BACH2: variants seen among roughly 807,000 people sequenced by gnomAD.
The protein encoded by BACH2 is transcription regulator protein BACH2.
In BACH2, 5 loss-of-function variants were observed where a neutral mutation model predicts 61.8. The observed-to-expected ratio is 0.08, with a 90% CI of 0.04 to 0.17. The LOEUF (loss-of-function observed/expected upper bound fraction) is 0.17. BACH2 is among the 10% of genes least tolerant of loss of function. The pLI, the probability that BACH2 is intolerant of heterozygous loss-of-function variation, is 1.00. For synonymous variants in BACH2, 446 were observed against 440.1 expected (o/e 1.01, Z -0.17); for missense variants, 824 against 1,091.1 (o/e 0.76, Z 3.45).
Position 90,166,297 on chromosome 6 carries a change from T to C in BACH2, c.-162+40272A>G, listed in dbSNP as rs552252394. The stretch of plus-strand genomic sequence containing the variant: ...GACATTTATGCAGCCAAAAGACACA[T>C]GAAAAAATGCTCATCATCACTGGCC... On this transcript the variant is annotated intron_variant, in intron 4 of 8. Transcript: ENST00000257749. Among the ~76,000 whole-genome samples, 300 of 151,942 alleles carry C rather than the reference T, an allele frequency of 2.0e-3. 1 individual carries two copies. Among genetic ancestry groups the C allele is most frequent in the Non-Finnish European group, 2.6e-3 (178 of 67,874 alleles).
At chr6:90,249,642 C>T (rs1770743228) in intron 3 of BACH2, among the ~76,000 whole-genome samples, 1 of 151,958 alleles carries the variant, frequency 6.6e-6, no homozygotes, top group African/African-American at 2.4e-5. Context: ...TGTGGTGGTG[C>T]GTGCCTATAG....
At position 89,946,103 on chromosome 6, in the gene BACH2, C is replaced by T. The variant is rs185347269; in HGVS notation, c.1836+4167G>A. On this transcript the variant is annotated intron_variant, in intron 7 of 8. Transcript: ENST00000257749. The stretch of plus-strand genomic sequence containing the variant: ...GCAGACTAAGGGAATATCTAAGCAA[C>T]ATTTATGAGAAAGGGTTAATATTCC... 2.4e-4 allele frequency among the ~76,000 whole-genome samples: 37 copies of T among 152,256 alleles called. No homozygotes were observed. In the East Asian group the frequency reaches 6.9e-3, roughly 29 times the overall value.
At chr6:90,230,212 T>C (rs1316733840) in intron 3 of BACH2, among the ~76,000 whole-genome samples, 10 of 152,348 alleles carry the variant, frequency 6.6e-5, no homozygotes, top group Non-Finnish European at 7.3e-5. Context: ...TCAGTTTCCT[T>C]ATTTGTAAAA....
chr6:90,062,882 A>C (rs1780757123), intron 5 of BACH2: 1 of 982,680 alleles, frequency 1.0e-6, no homozygotes, highest in African/African-American at 1.7e-5. Context: ...TGAAAGGCTG[A>C]CCTGGCTCTG....
intron 5 of BACH2, among the ~76,000 whole-genome samples, chr6:90,028,971 T>C (rs774610691): frequency 6.6e-6 from 1 of 152,240 alleles, no homozygotes; most frequent in Non-Finnish European, 1.5e-5. Context: ...ATTTAACATA[T>C]AGTAACTGGT....
At chr6:90,113,529 G>A (rs1490038729) in intron 4 of BACH2, among the ~76,000 whole-genome samples, 1 of 152,064 alleles carries the variant, frequency 6.6e-6, no homozygotes, top group Non-Finnish European at 1.5e-5. Flanking sequence ...AAATCAAGAA[G>A]TTTATTGAAA....
At chr6:90,033,367 A>G (rs1041230367) in intron 5 of BACH2, among the ~76,000 whole-genome samples, 20 of 152,030 alleles carry the variant, frequency 1.3e-4, no homozygotes, top group South Asian at 2.1e-4. Context: ...AAAAAAAAAA[A>G]AAAGAAAATC....
chr6:90,092,537 C>G (rs1782215909), intron 4 of BACH2, among the ~76,000 whole-genome samples: 1 of 151,888 alleles, frequency 6.6e-6, no homozygotes, highest in Admixed American at 6.6e-5. Flanking sequence ...TGCCTCGGAG[C>G]CTACTACCTC....
At chr6:90,020,424 T>A (rs1778309935) in intron 5 of BACH2, among the ~76,000 whole-genome samples, 3 of 151,830 alleles carry the variant, frequency 2.0e-5, no homozygotes, top group Admixed American at 1.3e-4. Context: ...ATCATGAGAG[T>A]GGGTTTGTTA....
At chr6:90,000,354 C>T (rs1777070928) in intron 6 of BACH2, among the ~76,000 whole-genome samples, 1 of 152,180 alleles carries the variant, frequency 6.6e-6, no homozygotes, top group Admixed American at 6.5e-5. Flanking sequence ...TTCTCATTTG[C>T]CAGCAAGTAG....
chr6:90,088,992 G>A lies in BACH2; in HGVS notation c.-44C>T, dbSNP rs1436116923. Reference sequence around the variant, plus strand: ...TTTTTCCAGGTCCTGTGCTGCCTTCGAGTCTTAGGATGCAGGGAACTGGGC... The same window carrying A: ...TTTTTCCAGGTCCTGTGCTGCCTTCAAGTCTTAGGATGCAGGGAACTGGGC... On this transcript the variant is annotated 5_prime_UTR_variant, in exon 5 of 9. It introduces an in-frame stop codon into an upstream open reading frame of the 5' UTR. Transcript: ENST00000257749. The A allele has an allele frequency of 6.6e-6, 1 of 152,190 alleles. No homozygotes were observed. 9.4% of individuals were successfully genotyped at this position (152,190 alleles called of 1,614,324 possible). A position where few individuals can be genotyped will look rare whatever the true frequency, so the allele number is the denominator to read the frequency against.
At chr6:90,220,712 T>G (rs1769708629) in intron 3 of BACH2, among the ~76,000 whole-genome samples, 1 of 152,226 alleles carries the variant, frequency 6.6e-6, no homozygotes, top group African/African-American at 2.4e-5. Flanking sequence ...ATGGCGTCTA[T>G]TAAATGCTGT....
chr6:90,269,823 C>G (rs1412084890), intron 2 of BACH2, among the ~76,000 whole-genome samples: 1 of 152,146 alleles, frequency 6.6e-6, no homozygotes, highest in Non-Finnish European at 1.5e-5. Context: ...GGGACACACG[C>G]TGGGCAGCTG....
intron 3 of BACH2, among the ~76,000 whole-genome samples, chr6:90,212,568 C>T (rs894134427): frequency 4.6e-5 from 7 of 152,210 alleles, no homozygotes; most frequent in African/African-American, 1.2e-4. Flanking sequence ...CTCCCCTGTG[C>T]GCTGCCTTCA....
chr6:90,037,962 A>C (rs1342435397), intron 5 of BACH2, among the ~76,000 whole-genome samples: 2 of 152,192 alleles, frequency 1.3e-5, no homozygotes, highest in Non-Finnish European at 2.9e-5. Context: ...AATGGTCAGC[A>C]CCAGAAGCTA....
Position 90,239,957 on chromosome 6 carries a change from CACT to C in BACH2, c.-275+12553_-275+12555del, listed in dbSNP as rs372503417. Among the ~76,000 whole-genome samples the C allele has an allele frequency of 1.9e-3, 290 of 152,120 alleles. 8 individuals carry two copies. The South Asian group carries it at 0.034, about 18-fold the overall frequency. On this transcript the variant is annotated intron_variant, in intron 3 of 8. Transcript: ENST00000257749. The stretch of plus-strand genomic sequence containing the variant: ...ACACATGAATCAACCCCAGAACCAC[CACT>C]ATTTTAGACTTGCCAAGTAAAATAA...
intron 5 of BACH2, among the ~76,000 whole-genome samples, chr6:90,080,415 T>C (rs765140407): frequency 2.0e-5 from 3 of 152,166 alleles, no homozygotes; most frequent in Non-Finnish European, 4.4e-5. Flanking sequence ...TTATCAAGCA[T>C]TAATTCACAC....
chr6:89,956,591 T>C (rs1196452702), intron 6 of BACH2, among the ~76,000 whole-genome samples: 2 of 152,212 alleles, frequency 1.3e-5, no homozygotes, highest in African/African-American at 4.8e-5. Context: ...GGGCACTGTT[T>C]GCAAAGCTGG....
At chr6:90,080,536 T>C (rs932165948) in intron 5 of BACH2, among the ~76,000 whole-genome samples, 11 of 152,248 alleles carry the variant, frequency 7.2e-5, no homozygotes, top group Non-Finnish European at 1.3e-4. Flanking sequence ...ACAGAGAAGA[T>C]AGAGATGAGA....
Sources: allele counts gnomAD v4.1 joint callset (sites outside exome capture counted in the v4.1 genomes callset), GRCh38; gene constraint gnomAD v4.1.1; transcripts MANE v1.5; gene names NCBI Gene and HGNC (gene_info 2026-07-23, HGNC 2026-07-21).